Variants in NRXN1 observed in about 807,000 individuals in gnomAD.
NRXN1 encodes neurexin 1, also known as neurexin-1.
Under a neutral mutation model 150.9 loss-of-function variants are expected in NRXN1, and 39 were observed. The observed-to-expected ratio is 0.26, with a 90% CI of 0.20 to 0.34. NRXN1 has a LOEUF of 0.34. Ranked by LOEUF, NRXN1 falls within the 10% of genes least tolerant of loss-of-function variation. The probability of loss-of-function intolerance (pLI) is 1.00; values close to 1 mark genes in which losing one functional copy is unlikely to be tolerated. For synonymous variants in NRXN1, 924 were observed against 757.0 expected, an observed-to-expected ratio of 1.22 and a Z score of -3.62; for missense variants, 1,815 against 1,949.9, an observed-to-expected ratio of 0.93 and a Z score of 1.30.
chr2:51,005,029 C>A (rs1234314269), intron 2 of NRXN1, among the ~76,000 whole-genome samples: 1 of 151,884 alleles, frequency 6.6e-6, no homozygotes, highest in Admixed American at 6.6e-5. Context: ...TAGATACACA[C>A]CTGTATCTAG....
chr2:50,507,010 C>T (rs915074551), intron 12 of NRXN1: 2 of 162,412 alleles, frequency 1.2e-5, no homozygotes, highest in African/African-American at 4.8e-5. Flanking sequence ...TTTTTAGTTA[C>T]CACTTTCCTG....
At chr2:50,695,091 C>T (rs1692624597) in intron 5 of NRXN1, among the ~76,000 whole-genome samples, 1 of 151,812 alleles carries the variant, frequency 6.6e-6, no homozygotes, top group Admixed American at 6.6e-5. Flanking sequence ...ATTAAATTAG[C>T]CATCTTCACT....
chr2:50,338,421 C>G (rs1452688844), intron 17 of NRXN1, among the ~76,000 whole-genome samples: 5 of 151,910 alleles, frequency 3.3e-5, no homozygotes, highest in Non-Finnish European at 2.9e-5. Flanking sequence ...CAAATGGTGC[C>G]CTGAAAACCA....
intron 5 of NRXN1, among the ~76,000 whole-genome samples, chr2:50,842,925 A>G (rs1673087500): frequency 6.6e-6 from 1 of 152,230 alleles, no homozygotes; most frequent in African/African-American, 2.4e-5. Context: ...ATTATACAGT[A>G]TACAAACGTA....
intron 5 of NRXN1, among the ~76,000 whole-genome samples, chr2:50,765,630 T>G (rs1048339838): frequency 3.3e-5 from 5 of 152,040 alleles, no homozygotes; most frequent in African/African-American, 1.2e-4. Flanking sequence ...CAAGGCTTCT[T>G]TCTACATGCC....
chr2:50,979,618 C>T (rs142453468), intron 2 of NRXN1, among the ~76,000 whole-genome samples: 21 of 152,208 alleles, frequency 1.4e-4, no homozygotes, highest in Admixed American at 3.3e-4. Flanking sequence ...CACAAAATCA[C>T]ATACCAGACC....
chr2:50,401,463 G>C (rs770838188), intron 17 of NRXN1, among the ~76,000 whole-genome samples: 3 of 152,054 alleles, frequency 2.0e-5, no homozygotes, highest in Non-Finnish European at 4.4e-5. Flanking sequence ...ACTGGTGAGA[G>C]CGGGGAGGGA....
At chr2:50,050,772 G>T (rs1192284025) in intron 21 of NRXN1, among the ~76,000 whole-genome samples, 1 of 113,778 alleles carries the variant, frequency 8.8e-6, no homozygotes, top group East Asian at 2.8e-4. Context: ...TAAATAAATT[G>T]CTTTCTTCCC....
chr2:50,766,866 A>G (rs568549975), intron 5 of NRXN1, among the ~76,000 whole-genome samples: 2 of 152,220 alleles, frequency 1.3e-5, no homozygotes, highest in East Asian at 3.9e-4. Context: ...TGAAAGTATT[A>G]CATGGACAAA....
At chr2:50,040,006 G>A (rs1690675726) in intron 21 of NRXN1, among the ~76,000 whole-genome samples, 1 of 152,034 alleles carries the variant, frequency 6.6e-6, no homozygotes, top group South Asian at 2.1e-4. Flanking sequence ...ACTGAGATTA[G>A]TATTGGATAA....
chr2:50,940,064 T>C (rs1689170549), intron 2 of NRXN1, among the ~76,000 whole-genome samples: 1 of 152,220 alleles, frequency 6.6e-6, no homozygotes. Flanking sequence ...CGAAATAGAA[T>C]TATTTCCTAT....
Position 50,922,799 on chromosome 2 carries a change from G to C in NRXN1, c.791-112C>G, listed in dbSNP as rs956711616. 1.8e-5 allele frequency: 19 copies of C among 1,059,076 alleles called. No homozygotes were observed. The East Asian group carries it at 4.9e-4, about 27-fold the overall frequency. 65.6% of individuals were successfully genotyped at this position (1,059,076 alleles called of 1,614,324 possible). A position where few individuals can be genotyped will look rare whatever the true frequency, so the allele number is the denominator to read the frequency against. On this transcript the variant is annotated intron_variant, in intron 3 of 22. Transcript: ENST00000401669. ...AGACATCTCTTTTCCTATGAGACAT[G>C]TCTGTATCACAGAGGCAAATCAAAA...
intron 10 of NRXN1, among the ~76,000 whole-genome samples, chr2:50,533,878 A>T (rs1413274148): frequency 6.6e-6 from 1 of 152,154 alleles, no homozygotes; most frequent in African/African-American, 2.4e-5. Context: ...CTCCAGAGAG[A>T]CCTGCTACCC....
At chr2:50,707,277 G>C (rs934531161) in intron 5 of NRXN1, among the ~76,000 whole-genome samples, 2 of 152,152 alleles carry the variant, frequency 1.3e-5, no homozygotes, top group Non-Finnish European at 2.9e-5. Context: ...AGGTGCACTT[G>C]TCTTTTGAAT....
chr2:50,454,468 A>G (rs2087325597), intron 17 of NRXN1, among the ~76,000 whole-genome samples: 1 of 152,180 alleles, frequency 6.6e-6, no homozygotes, highest in African/African-American at 2.4e-5. Context: ...GAACATATAC[A>G]CATACACACT....
intron 5 of NRXN1, among the ~76,000 whole-genome samples, chr2:50,716,665 C>G (rs1371619065): frequency 6.6e-6 from 1 of 152,100 alleles, no homozygotes; most frequent in Admixed American, 6.5e-5. Context: ...AAATATACAT[C>G]TCAATGTAAT....
intron 5 of NRXN1, among the ~76,000 whole-genome samples, chr2:50,679,155 T>C (rs1199592267): frequency 6.6e-6 from 1 of 151,932 alleles, no homozygotes; most frequent in African/African-American, 2.4e-5. Flanking sequence ...TGTGGAAAAG[T>C]AGATTCCCAA....
chr2:50,340,556 C>A (rs547364440), intron 17 of NRXN1, among the ~76,000 whole-genome samples: 1 of 152,120 alleles, frequency 6.6e-6, no homozygotes, highest in African/African-American at 2.4e-5. Context: ...CTTAAGGGAC[C>A]TGAATATAAT....
intron 21 of NRXN1, among the ~76,000 whole-genome samples, chr2:50,039,105 A>C (rs977408317): frequency 1.3e-5 from 2 of 152,078 alleles, no homozygotes; most frequent in African/African-American, 4.8e-5. Context: ...TGAACCCAGG[A>C]GGCAGAGGTG....
Sources: allele counts gnomAD v4.1 joint callset (sites outside exome capture counted in the v4.1 genomes callset), GRCh38; gene constraint gnomAD v4.1.1; transcripts MANE v1.5; gene names NCBI Gene and HGNC (gene_info 2026-07-23, HGNC 2026-07-21).